CRACD: variants seen among roughly 807,000 people sequenced by gnomAD.
CRACD encodes the protein capping protein inhibiting regulator of actin dynamics, also known as capping protein-inhibiting regulator of actin dynamics.
A neutral mutation model predicts 106.8 loss-of-function variants in CRACD; 56 were observed. That is an observed-to-expected ratio of 0.52 (90% confidence interval 0.42 to 0.66). CRACD has a LOEUF of 0.66. Among genes scored for constraint, CRACD ranks in the 30% least tolerant of loss-of-function variants. The pLI is 0.00. For missense variants in CRACD, 1,730 were observed against 1,623.2 expected (o/e 1.07, Z -1.13); for synonymous variants, 754 against 670.8 (o/e 1.12, Z -1.92).
intron 1 of CRACD, among the ~76,000 whole-genome samples, chr4:56,104,941 T>C (rs1415744278): frequency 2.7e-4 from 36 of 134,270 alleles, no homozygotes; most frequent in African/African-American, 9.0e-4. Flanking sequence ...TACTCCAGCC[T>C]GGGCGACAGA....
At chr4:56,225,455 C>T (rs1482203816) in intron 2 of CRACD, among the ~76,000 whole-genome samples, 4 of 152,160 alleles carry the variant, frequency 2.6e-5, no homozygotes, top group Admixed American at 6.5e-5. Context: ...ATGTCTTTCT[C>T]ATCTTGATCT....
chr4:56,151,158 A>G (rs1281054289), intron 1 of CRACD, among the ~76,000 whole-genome samples: 1 of 152,192 alleles, frequency 6.6e-6, no homozygotes, highest in East Asian at 1.9e-4. Flanking sequence ...CACCAAGCCC[A>G]GCTAATTTTT....
intron 1 of CRACD, among the ~76,000 whole-genome samples, chr4:56,112,653 A>G (rs1734157328): frequency 6.6e-6 from 1 of 152,164 alleles, no homozygotes; most frequent in Non-Finnish European, 1.5e-5. Context: ...AATTAACTCA[A>G]GGACATATGT....
intron 1 of CRACD, among the ~76,000 whole-genome samples, chr4:56,094,838 TAA>T (rs1362807044): frequency 2.0e-5 from 3 of 152,220 alleles, no homozygotes; most frequent in Admixed American, 6.5e-5. Flanking sequence ...TTCTAGTTTT[TAA>T]AAAACTGTAA....
At chr4:56,123,140 A>G (rs1734545498) in intron 1 of CRACD, among the ~76,000 whole-genome samples, 1 of 152,270 alleles carries the variant, frequency 6.6e-6, no homozygotes, top group South Asian at 2.1e-4. Context: ...ATCAACGGAT[A>G]AATGTTAATA....
rs1373327453 is a variant in CRACD, at chr4:56,302,206, T to C, written c.120+3857T>C. The stretch of plus-strand genomic sequence containing the variant: ...CTATACAATCACTATTGAACTGCTG[T>C]AGCATGGAGCGGCTTCAGAAGCTTC... On this transcript the variant is annotated intron_variant, in intron 4 of 10. Transcript: ENST00000682029. 4.6e-5 allele frequency among the ~76,000 whole-genome samples: 7 copies of C among 152,208 alleles called. No homozygotes were observed. In the South Asian group the frequency reaches 1.0e-3, roughly 23 times the overall value.
chr4:56,166,594 C>T (rs1054126638), intron 1 of CRACD, among the ~76,000 whole-genome samples: 4 of 142,114 alleles, frequency 2.8e-5, no homozygotes, highest in East Asian at 4.2e-4. Context: ...ACAGGAGAAT[C>T]GCTTAAACCT....
intron 2 of CRACD, among the ~76,000 whole-genome samples, chr4:56,205,856 A>AT (rs1738100606): frequency 6.6e-6 from 1 of 152,184 alleles, no homozygotes; most frequent in Non-Finnish European, 1.5e-5. Context: ...AGAATCTATG[A>AT]TTTTGAAACA....
rs1745685923 is a variant in CRACD at position 56,316,663 on chromosome 4, C to A, written c.3161C>A (p.Ser1054Tyr). The change falls in exon 8 of 11, where the codon TCT (serine) becomes TAT (tyrosine). Residue 1054 changes from serine to tyrosine, a missense_variant. Transcript: ENST00000682029. Reference protein sequence around the residue: ...PLPATQQEKPSQTPEAGRKEK... With the variant: ...PLPATQQEKPYQTPEAGRKEK... Reference sequence around the variant, plus strand: ...CCTGCCACTCAGCAAGAGAAACCTTCTCAAACACCCGAGGCCGGGAGGAAA... The same window carrying A: ...CCTGCCACTCAGCAAGAGAAACCTTATCAAACACCCGAGGCCGGGAGGAAA... 1 of 1,609,340 alleles carries A rather than the reference C, an allele frequency of 6.2e-7. No homozygotes were observed. Among genetic ancestry groups the A allele is most frequent in the South Asian group, 1.1e-5 (1 of 91,060 alleles).
intron 1 of CRACD, among the ~76,000 whole-genome samples, chr4:56,064,883 G>A (rs1406131037): frequency 6.6e-6 from 1 of 152,112 alleles, no homozygotes; most frequent in Admixed American, 6.5e-5. Context: ...CCCTCTTAGT[G>A]ATCTGTATCT....
At chr4:56,111,740 G>C (rs552154343) in intron 1 of CRACD, among the ~76,000 whole-genome samples, 1 of 151,892 alleles carries the variant, frequency 6.6e-6, no homozygotes, top group Non-Finnish European at 1.5e-5. Context: ...GGCTGGTCTC[G>C]AACTGACCTC....
rs369527235 is a variant in CRACD at position 56,310,616 on chromosome 4, C to T, written c.286-50C>T. The T allele has an allele frequency of 1.9e-5, 25 of 1,339,406 alleles. No homozygotes were observed. The East Asian group carries it at 4.6e-4, about 25-fold the overall frequency. The allele number at this position is 1,339,406 out of a possible 1,614,324, so 83.0% of individuals were successfully genotyped here. ...CACAGACAGTGTCTGGTTATTTGCC[C>T]AGAACTTCCTGTTCAGGCCTTTGAC... On this transcript the variant is annotated intron_variant, in intron 5 of 10. Coordinates refer to ENST00000682029, the MANE Select transcript of CRACD (RefSeq NM_001393381.1).
At chr4:56,184,568 C>T (rs188897620) in intron 2 of CRACD, among the ~76,000 whole-genome samples, 2 of 152,340 alleles carry the variant, frequency 1.3e-5, no homozygotes, top group Admixed American at 1.3e-4. Flanking sequence ...TTTTGGTTAT[C>T]TAGCTGGCAC....
At chr4:56,262,896 T>G (rs561883024) in intron 2 of CRACD, among the ~76,000 whole-genome samples, 1 of 152,370 alleles carries the variant, frequency 6.6e-6, no homozygotes, top group Non-Finnish European at 1.5e-5. Context: ...GGTCTGAATA[T>G]ACCTGTATAG....
At chr4:56,215,000 A>G (rs1376773540) in intron 2 of CRACD, among the ~76,000 whole-genome samples, 1 of 151,650 alleles carries the variant, frequency 6.6e-6, no homozygotes, top group Non-Finnish European at 1.5e-5. Flanking sequence ...ACTCCATCTC[A>G]AAGAGAAAAA....
intron 4 of CRACD, among the ~76,000 whole-genome samples, chr4:56,299,545 C>T (rs1310558207): frequency 6.6e-6 from 1 of 152,018 alleles, no homozygotes; most frequent in East Asian, 1.9e-4. Context: ...TTGTGCATGC[C>T]TGTAGTCCCA....
intron 2 of CRACD, among the ~76,000 whole-genome samples, chr4:56,207,549 A>T (rs1201891943): frequency 1.3e-5 from 2 of 151,926 alleles, no homozygotes; most frequent in African/African-American, 4.8e-5. Flanking sequence ...TCTCCCATCT[A>T]TCAAGGCATA....
intron 1 of CRACD, among the ~76,000 whole-genome samples, chr4:56,133,868 T>C (rs1734906453): frequency 6.6e-6 from 1 of 152,076 alleles, no homozygotes; most frequent in Non-Finnish European, 1.5e-5. Flanking sequence ...TAGAAAATGA[T>C]TAATCAGGGC....
intron 1 of CRACD, among the ~76,000 whole-genome samples, chr4:56,138,496 A>G (rs1340011792): frequency 1.3e-5 from 2 of 152,094 alleles, no homozygotes; most frequent in Non-Finnish European, 2.9e-5. Context: ...TAAAAAGTAA[A>G]TCACTAACAC....
Sources: allele counts gnomAD v4.1 joint callset (sites outside exome capture counted in the v4.1 genomes callset), GRCh38; gene constraint gnomAD v4.1.1; transcripts MANE v1.5; gene names NCBI Gene and HGNC (gene_info 2026-07-23, HGNC 2026-07-21).